The following USPL1 variants were observed in gnomAD, a reference collection of about 807,000 sequenced individuals.
USPL1 encodes the protein SUMO-specific isopeptidase USPL1.
USPL1 carries 27 observed loss-of-function variants against 51.5 expected under a neutral mutation model. The observed-to-expected ratio is 0.52, with a 90% confidence interval of 0.39 to 0.72. The LOEUF is 0.72. Ranked by LOEUF, USPL1 falls within the 30% of genes least tolerant of loss-of-function variation. The pLI is 0.00. For missense variants in USPL1, 1,226 were observed against 1,268.0 expected, an observed-to-expected ratio of 0.97 and a Z score of 0.50; for synonymous variants, 451 against 459.6, an observed-to-expected ratio of 0.98 and a Z score of 0.24.
At position 30,657,638 on chromosome 13, in the gene USPL1, C is replaced by T. The variant is rs773553363; in HGVS notation, c.1561C>T (p.His521Tyr). 1 of 1,614,100 alleles carries T rather than the reference C, an allele frequency of 6.2e-7. No individual in the cohort carries two copies. Among genetic ancestry groups the T allele is most frequent in the Non-Finnish European group, 8.5e-7 (1 of 1,180,034 alleles). Reference sequence around the variant, plus strand: ...TCCACTTAAAAAGACTAATGACCAACACGCTCTCAGTAATGAGAAACCAGT... The same window carrying T: ...TCCACTTAAAAAGACTAATGACCAATACGCTCTCAGTAATGAGAAACCAGT... ...CLPLKKTNDQ[H>Y]ALSNEKPVSL... The change falls in exon 9 of 9, where the codon CAC becomes TAC. Residue 521 changes from histidine (H) to tyrosine (Y), a missense_variant. By Grantham distance (83) the His-to-Tyr change is moderately conservative (BLOSUM62 2). Transcript: ENST00000255304.
Position 30,631,276 on chromosome 13 carries a change from G to GC in USPL1, c.671dup (p.Leu225PhefsTer50), listed in dbSNP as rs771308990. 6.2e-7 allele frequency: 1 copy of GC among 1,614,086 alleles called. No homozygotes were observed. Among genetic ancestry groups the GC allele is most frequent in the Non-Finnish European group, 8.5e-7 (1 of 1,180,018 alleles). On this transcript the variant is annotated frameshift_variant, in exon 4 of 9. Coordinates refer to ENST00000255304, the MANE Select transcript of USPL1 (RefSeq NM_005800.5). LOFTEE classifies it high-confidence loss of function. Reference sequence around the variant, plus strand: ...GAGCAAATGTACATCATTTCCCCAGGCTTTATGTGTCCAGTGGAAAAATGC... The same window carrying GC: ...GAGCAAATGTACATCATTTCCCCAGGCCTTTATGTGTCCAGTGGAAAAATGC...
intron 3 of USPL1, among the ~76,000 whole-genome samples, chr13:30,623,287 TAGA>T (rs758784623): frequency 3.9e-5 from 6 of 152,048 alleles, no homozygotes; most frequent in Non-Finnish European, 7.4e-5. Context: ...AGCAGAGCGA[TAGA>T]AGGTGGATCA....
Position 30,659,002 on chromosome 13 carries a change from A to G in USPL1, c.2925A>G (p.Leu975=), listed in dbSNP as rs1472929440. The G allele has an allele frequency of 1.2e-6, 2 of 1,614,192 alleles. No individual in the cohort carries two copies. The highest frequency in any genetic ancestry group is 2.2e-5 in the South Asian group (2 of 91,082). The part of the protein sequence containing the change: ...SQTHEEILAE[L]LSPTPVSTEL... ...CTCATGAAGAAATTTTAGCGGAATT[A>G]TTGTCTCCTACACCTGTTTCAACAG... The change falls in exon 9 of 9, where the codon TTA becomes TTG. Residue 975 remains leucine (L), a synonymous_variant. Transcript: ENST00000255304.
chr13:30,659,494 T>C lies in USPL1; in HGVS notation c.*138T>C, dbSNP rs536319499. ...TGAACAAAATGCAAGGTTTAACCTT[T>C]GGTTCTGCCCATGAAGCATGTAATC... On this transcript the variant is annotated 3_prime_UTR_variant, in exon 9 of 9. Coordinates refer to ENST00000255304, the MANE Select transcript of USPL1 (RefSeq NM_005800.5). 27 of 749,470 alleles carry C rather than the reference T, an allele frequency of 3.6e-5. No homozygotes were observed. The highest frequency in any genetic ancestry group is 1.8e-4 in the African/African-American group (10 of 56,536). The allele number at this position is 749,470 out of a possible 1,614,324, so 46.4% of individuals were successfully genotyped here.
chr13:30,639,210 G>T (rs1005874808), intron 5 of USPL1, among the ~76,000 whole-genome samples: 6 of 143,338 alleles, frequency 4.2e-5, no homozygotes, highest in Non-Finnish European at 7.5e-5. Context: ...GCGAGACTCC[G>T]TCTCAAAAAA....
In USPL1 at chr13:30,637,733, T is replaced by C. The variant is rs1950894731; in HGVS notation, c.869-11T>C. 3.8e-6 allele frequency: 6 copies of C among 1,584,136 alleles called. No homozygotes were observed. Among genetic ancestry groups the C allele is most frequent in the Non-Finnish European group, 5.2e-6 (6 of 1,157,596 alleles). ...GATGAGGAATTGATAATGTTCTCTG[T>C]ATTTTCTTAGATGGAGATTGTAAAA... is the stretch of plus-strand genomic sequence containing the variant. On this transcript the variant is annotated splice_polypyrimidine_tract_variant and intron_variant, in intron 4 of 8. Coordinates refer to ENST00000255304, the MANE Select transcript of USPL1 (RefSeq NM_005800.5).
chr13:30,644,751 A>G (rs766985850), intron 6 of USPL1, among the ~76,000 whole-genome samples: 4 of 152,122 alleles, frequency 2.6e-5, no homozygotes, highest in Non-Finnish European at 5.9e-5. Flanking sequence ...CCCTCTCCAA[A>G]GGGCCTGTTT....
intron 3 of USPL1, among the ~76,000 whole-genome samples, chr13:30,626,721 A>G (rs1422407169): frequency 6.6e-6 from 1 of 152,190 alleles, no homozygotes; most frequent in East Asian, 1.9e-4. Flanking sequence ...GTAAACACTA[A>G]TATTCAAGAC....
intron 4 of USPL1, among the ~76,000 whole-genome samples, chr13:30,632,789 TTAAAC>T (rs1399705639): frequency 6.6e-6 from 1 of 152,138 alleles, no homozygotes; most frequent in African/African-American, 2.4e-5. Context: ...TTTTAAGTGT[TTAAAC>T]TACTGAAAAG....
At chr13:30,653,070 T>G in intron 7 of USPL1, 78 bp from the exon 8 acceptor site, 1 of 1,407,234 alleles carries the variant, frequency 7.1e-7, no homozygotes, top group Non-Finnish European at 9.5e-7. Flanking sequence ...GTGTGACTAG[T>G]TCACTTCAGA....
chr13:30,640,058 C>T (rs1950926780), intron 5 of USPL1, among the ~76,000 whole-genome samples: 1 of 152,166 alleles, frequency 6.6e-6, no homozygotes, highest in Admixed American at 6.5e-5. Context: ...TGTTTTACTG[C>T]CCATTCAAGG....
intron 7 of USPL1, among the ~76,000 whole-genome samples, chr13:30,649,367 C>T (rs1951058444): frequency 6.6e-6 from 1 of 152,024 alleles, no homozygotes; most frequent in Non-Finnish European, 1.5e-5. Context: ...GTTTTTAGGG[C>T]TAACCTAAAA....
rs372452359 is a variant in USPL1 at position 30,658,338 on chromosome 13, C to T, written c.2261C>T (p.Pro754Leu). 7.4e-5 allele frequency: 120 copies of T among 1,613,892 alleles called. 2 individuals carry two copies. Among genetic ancestry groups the T allele is most frequent in the East Asian group, 4.7e-4 (21 of 44,882 alleles). Reference sequence around the variant, plus strand: ...TCTCTGAAAGAAAATCAGAAGAAGCCATTTGTGGGAAGTTGGGTTAAAGGC... The same window carrying T: ...TCTCTGAAAGAAAATCAGAAGAAGCTATTTGTGGGAAGTTGGGTTAAAGGC... ...NQSLKENQKK[P>L]FVGSWVKGLI... The change falls in exon 9 of 9, where the codon CCA becomes CTA. Residue 754 changes from proline (P) to leucine (L), a missense_variant. Pro to Leu is a moderately conservative substitution (Grantham distance 98). Transcript: ENST00000255304.
chr13:30,631,374 T>A lies in USPL1; in HGVS notation c.768T>A (p.Thr256=). 1 of 1,614,258 alleles carries A rather than the reference T, an allele frequency of 6.2e-7. No homozygotes were observed. Among genetic ancestry groups the A allele is most frequent in the East Asian group, 2.2e-5 (1 of 44,888 alleles). Reference sequence around the variant, plus strand: ...CGGAAGAGTTAAAGAACACCGTGACTGGACTGTGCTCGAAGGAGGAATCTA... The same window carrying A: ...CGGAAGAGTTAAAGAACACCGTGACAGGACTGTGCTCGAAGGAGGAATCTA... ...VHSEELKNTV[T]GLCSKEESIF... Residue 256 remains threonine, a synonymous_variant, in exon 4 of 9, where the codon ACT becomes ACA. Coordinates refer to ENST00000255304, the MANE Select transcript of USPL1 (RefSeq NM_005800.5).
At position 30,637,026 on chromosome 13, in the gene USPL1, G is replaced by A. The variant is rs1160673163; in HGVS notation, c.869-718G>A. ...AGTAGTACAATCACAGCTCACTGCA[G>A]CTTGTAGAACCCTAACCCTCCTGGG... On this transcript the variant is annotated intron_variant, in intron 4 of 8. Transcript: ENST00000255304. Among the ~76,000 whole-genome samples the A allele has an allele frequency of 2.6e-5, 4 of 152,128 alleles. No individual in the cohort carries two copies. In the South Asian group the frequency reaches 8.3e-4, roughly 32 times the overall value.
rs1950794543 is a variant in USPL1, at chr13:30,630,900, C to T, written c.294C>T (p.His98=). The part of the protein sequence containing the change: ...NLISPDLEEC[H]TPHKPQKRKS... The stretch of plus-strand genomic sequence containing the variant: ...TTTCTCCTGATTTGGAAGAATGTCA[C>T]ACTCCACATAAGCCTCAGAAAAGGA... Residue 98 remains histidine (H), a synonymous_variant, in exon 4 of 9, where the codon CAC becomes CAT. Coordinates refer to ENST00000255304, the MANE Select transcript of USPL1 (RefSeq NM_005800.5). The T allele has an allele frequency of 1.2e-6, 2 of 1,613,834 alleles. No individual in the cohort carries two copies. The highest frequency in any genetic ancestry group is 1.1e-5 in the South Asian group (1 of 91,070).
chr13:30,653,975 TG>T (rs1951126166), intron 8 of USPL1, among the ~76,000 whole-genome samples: 1 of 152,194 alleles, frequency 6.6e-6, no homozygotes, highest in Non-Finnish European at 1.5e-5. Context: ...ATTTTCCTCC[TG>T]GGGATGGTTT....
intron 7 of USPL1, among the ~76,000 whole-genome samples, chr13:30,649,506 A>C (rs1034336202): frequency 2.0e-5 from 3 of 152,366 alleles, no homozygotes; most frequent in Non-Finnish European, 4.4e-5. Flanking sequence ...AAAAGAGTCC[A>C]TTGATAAATC....
At chr13:30,618,354 C>T (rs1442383259) in intron 1 of USPL1, among the ~76,000 whole-genome samples, 5 of 152,170 alleles carry the variant, frequency 3.3e-5, no homozygotes, top group African/African-American at 1.2e-4. Flanking sequence ...TTGAAACTCA[C>T]CTCCTTTGGT....
Sources: allele counts gnomAD v4.1 joint callset (sites outside exome capture counted in the v4.1 genomes callset), GRCh38; gene constraint gnomAD v4.1.1; transcripts MANE v1.5; gene names NCBI Gene and HGNC (gene_info 2026-07-23, HGNC 2026-07-21).